The following PACRG variants were observed in gnomAD, a reference collection of about 807,000 sequenced individuals.
PACRG encodes the protein parkin coregulated gene protein.
Under a neutral mutation model 29.7 loss-of-function variants are expected in PACRG, and 29 were observed. The ratio of observed to expected loss-of-function variants is 0.98; its 90% CI spans 0.73 to 1.33. PACRG has a LOEUF of 1.33. PACRG is among the 40% of genes most tolerant of loss of function. The probability of loss-of-function intolerance (pLI) is 0.00; values close to 1 mark genes in which losing one functional copy is unlikely to be tolerated. For synonymous variants in PACRG, 116 were observed against 118.7 expected (o/e 0.98, Z 0.15); for missense variants, 279 against 316.2 (o/e 0.88, Z 0.89).
intron 4 of PACRG, among the ~76,000 whole-genome samples, chr6:163,254,453 T>C (rs893858211): frequency 1.3e-5 from 2 of 152,094 alleles, no homozygotes; most frequent in African/African-American, 2.4e-5. Flanking sequence ...ACAGATCCAT[T>C]GTTATATGTT....
chr6:162,880,093 C>T (rs979293614), intron 2 of PACRG, among the ~76,000 whole-genome samples: 15 of 152,154 alleles, frequency 9.9e-5, no homozygotes, highest in Admixed American at 6.5e-5. Context: ...CCTCCAACAC[C>T]CCCTTCTGTG....
intron 2 of PACRG, among the ~76,000 whole-genome samples, chr6:163,049,937 A>G (rs916121361): frequency 2.0e-5 from 3 of 152,114 alleles, no homozygotes; most frequent in African/African-American, 7.2e-5. Flanking sequence ...CCAGGAATTT[A>G]TCCTACAAGA....
intron 4 of PACRG, among the ~76,000 whole-genome samples, chr6:163,145,970 TCTCTGGTGGTGAAAAC>T (rs372985280): frequency 6.6e-6 from 1 of 152,174 alleles, no homozygotes; most frequent in African/African-American, 2.4e-5. Context: ...ATGTATTAAG[TCTCTGGTGGTGAAAAC>T]CTCAAAATTA....
At chr6:162,776,740 A>C (rs1783673144) in intron 1 of PACRG, among the ~76,000 whole-genome samples, 1 of 152,210 alleles carries the variant, frequency 6.6e-6, no homozygotes, top group Non-Finnish European at 1.5e-5. Flanking sequence ...GCTTCTGCCT[A>C]TGGCAAATCC....
intron 2 of PACRG, among the ~76,000 whole-genome samples, chr6:162,937,908 TA>T (rs1284414124): frequency 2.0e-5 from 3 of 152,082 alleles, no homozygotes; most frequent in African/African-American, 7.2e-5. Flanking sequence ...TTTTTTTTTT[TA>T]TTTTCATAGG....
intron 2 of PACRG, among the ~76,000 whole-genome samples, chr6:162,870,921 A>G (rs11968371): frequency 0.21 from 32,005 of 152,088 alleles, 3,618 homozygotes; most frequent in Middle Eastern, 0.26. Flanking sequence ...TCATGCATTG[A>G]AAATTGACTG....
Position 162,773,493 on chromosome 6 carries a change from C to CTTTTTTTTTTTTT in PACRG, c.157-40654_157-40653insTTTTTTTTTTTTT, listed in dbSNP as rs1562582605. ...GATATTTGGTATTTTTACAGCTTGT[C>CTTTTTTTTTTTTT]ATTTTTTTTTTTTTTTTTTTTTTTT... On this transcript the variant is annotated intron_variant, in intron 1 of 4. Coordinates refer to ENST00000366888, the MANE Select transcript of PACRG (RefSeq NM_001080379.2). 3.7e-4 allele frequency among the ~76,000 whole-genome samples: 31 copies of CTTTTTTTTTTTTT among 82,742 alleles called. 1 individual carries two copies. Among genetic ancestry groups the CTTTTTTTTTTTTT allele is most frequent in the Middle Eastern group, 7.6e-3 (1 of 132 alleles). 54.3% of individuals were successfully genotyped at this position (82,742 alleles called of 152,430 possible).
rs193088252 is a variant in PACRG at position 163,146,550 on chromosome 6, T to C, written c.613+57142T>C. On this transcript the variant is annotated intron_variant, in intron 4 of 4. Transcript: ENST00000366888. ...TACTTTTTTCTAGAAAATCCTGACA[T>C]TGTATGTTGTGTTTTTGTTCCACCT... 4.6e-5 allele frequency among the ~76,000 whole-genome samples: 7 copies of C among 152,326 alleles called. No individual in the cohort carries two copies. In the East Asian group the frequency reaches 1.3e-3, roughly 29 times the overall value.
intron 1 of PACRG, among the ~76,000 whole-genome samples, chr6:162,803,585 A>C (rs1160980475): frequency 6.6e-6 from 1 of 152,218 alleles, no homozygotes; most frequent in African/African-American, 2.4e-5. Context: ...ATGCTAAATA[A>C]ATAAAATGGG....
intron 2 of PACRG, among the ~76,000 whole-genome samples, chr6:162,816,005 A>G (rs1196854563): frequency 6.6e-6 from 1 of 152,146 alleles, no homozygotes; most frequent in Non-Finnish European, 1.5e-5. Flanking sequence ...AACCTTTAGA[A>G]GTGTAGAGAC....
chr6:162,800,738 G>T (rs765869684), intron 1 of PACRG, among the ~76,000 whole-genome samples: 12 of 152,320 alleles, frequency 7.9e-5, no homozygotes, highest in Non-Finnish European at 1.5e-4. Flanking sequence ...AGCTCCAAAA[G>T]TGTGTGAATG....
chr6:162,857,375 G>A (rs957984171), intron 2 of PACRG, among the ~76,000 whole-genome samples: 5 of 152,284 alleles, frequency 3.3e-5, no homozygotes, highest in Middle Eastern at 3.4e-3. Context: ...TCCAGATACC[G>A]GAGAGGGAAC....
chr6:163,122,453 G>A (rs1028429701), intron 4 of PACRG, among the ~76,000 whole-genome samples: 1 of 152,150 alleles, frequency 6.6e-6, no homozygotes, highest in Non-Finnish European at 1.5e-5. Context: ...CAGATCCCTC[G>A]CGAATGGCTT....
Position 162,908,048 on chromosome 6 carries a change from A to G in PACRG, c.291+93767A>G, listed in dbSNP as rs186142502. ...TTGAGAGTTATACATACGCCTCTCA[A>G]ATAAATTGAAACTGCAATTTGGGTA... is the stretch of plus-strand genomic sequence containing the variant. On this transcript the variant is annotated intron_variant, in intron 2 of 4. Coordinates refer to ENST00000366888, the MANE Select transcript of PACRG (RefSeq NM_001080379.2). 4.6e-5 allele frequency among the ~76,000 whole-genome samples: 7 copies of G among 152,372 alleles called. No individual in the cohort carries two copies. The East Asian group carries it at 1.3e-3, about 29-fold the overall frequency.
intron 4 of PACRG, chr6:163,313,915 C>A (rs1447702401): frequency 1.3e-5 from 2 of 152,192 alleles, no homozygotes; most frequent in African/African-American, 2.4e-5. Context: ...AATATCTACA[C>A]GCAGAATGGA....
chr6:163,136,426 T>C (rs1816939201), intron 4 of PACRG, among the ~76,000 whole-genome samples: 1 of 152,236 alleles, frequency 6.6e-6, no homozygotes. Flanking sequence ...GCTGGAATTA[T>C]TTTTTGGAAT....
chr6:163,123,150 C>T lies in PACRG; in HGVS notation c.613+33742C>T, dbSNP rs114924098. Among the ~76,000 whole-genome samples the T allele has an allele frequency of 5.0e-3, 768 of 152,266 alleles. 7 individuals carry two copies. The highest frequency in any genetic ancestry group is 0.018 in the African/African-American group (736 of 41,534). On this transcript the variant is annotated intron_variant, in intron 4 of 4. Coordinates refer to ENST00000366888, the MANE Select transcript of PACRG (RefSeq NM_001080379.2). ...GTTTATACCTGGAGGCTGGAGGAGG[C>T]GGTGTCTGATTTGCTTAGGGCCCAG... is the stretch of plus-strand genomic sequence containing the variant.
intron 2 of PACRG, among the ~76,000 whole-genome samples, chr6:163,022,293 A>G (rs1806706095): frequency 6.6e-6 from 1 of 152,254 alleles, no homozygotes; most frequent in African/African-American, 2.4e-5. Flanking sequence ...TACTCTAAAA[A>G]CAGCTAAACA....
At chr6:163,020,962 C>T (rs967829399) in intron 2 of PACRG, among the ~76,000 whole-genome samples, 21 of 151,984 alleles carry the variant, frequency 1.4e-4, no homozygotes, top group Admixed American at 1.3e-3. Flanking sequence ...CTGCACCTCC[C>T]TCCATGGCTT....
Sources: allele counts gnomAD v4.1 joint callset (sites outside exome capture counted in the v4.1 genomes callset), GRCh38; gene constraint gnomAD v4.1.1; transcripts MANE v1.5; gene names NCBI Gene and HGNC (gene_info 2026-07-23, HGNC 2026-07-21).